THSD4: variants seen among roughly 807,000 people sequenced by gnomAD.
The protein encoded by THSD4 is thrombospondin type 1 domain containing 4.
Under a neutral mutation model 119.0 loss-of-function variants are expected in THSD4, and 69 were observed. The observed-to-expected ratio is 0.58, with a 90% CI of 0.48 to 0.71. The LOEUF is 0.71. THSD4 is among the 30% of genes least tolerant of loss of function. The pLI is 0.00. For synonymous variants in THSD4, 524 were observed against 540.4 expected (o/e 0.97, Z 0.42); for missense variants, 1,393 against 1,391.1 (o/e 1.00, Z -0.02).
intron 7 of THSD4, among the ~76,000 whole-genome samples, chr15:71,422,600 C>T (rs2046822799): frequency 6.6e-6 from 1 of 152,208 alleles, no homozygotes; most frequent in African/African-American, 2.4e-5. Context: ...ATGAGCACCC[C>T]TGTGGCCACC....
chr15:71,411,882 C>T (rs1002657960), intron 7 of THSD4, 59 bp downstream of exon 7: 21 of 1,599,794 alleles, frequency 1.3e-5, no homozygotes, highest in African/African-American at 2.7e-5. Context: ...CTGCTGACTC[C>T]ATTGTTTTCC....
chr15:71,778,471 C>A lies in THSD4; in HGVS notation c.*1097C>A, dbSNP rs559796881. The A allele has an allele frequency of 6.6e-6, 1 of 152,428 alleles. No homozygotes were observed. The highest frequency in any genetic ancestry group is 2.1e-4 in the South Asian group (1 of 4,838). 9.4% of individuals were successfully genotyped at this position (152,428 alleles called of 1,614,324 possible). A position where few individuals can be genotyped will look rare whatever the true frequency, so the allele number is the denominator to read the frequency against. Reference sequence around the variant, plus strand: ...GGTCCTTATGGCCGTGGAGCCTTCCCGACCACAGAGCCAACTTGTGAAGCA... The same window carrying A: ...GGTCCTTATGGCCGTGGAGCCTTCCAGACCACAGAGCCAACTTGTGAAGCA... On this transcript the variant is annotated 3_prime_UTR_variant, in exon 18 of 18. Coordinates refer to ENST00000261862, the MANE Select transcript of THSD4 (RefSeq NM_024817.3).
intron 6 of THSD4, among the ~76,000 whole-genome samples, chr15:71,400,033 A>G (rs1390725693): frequency 6.6e-6 from 1 of 152,180 alleles, no homozygotes; most frequent in African/African-American, 2.4e-5. Flanking sequence ...CAAAATAAAA[A>G]TTTAAAAAGA....
chr15:71,333,264 G>A (rs2045450186), intron 6 of THSD4, among the ~76,000 whole-genome samples: 1 of 152,088 alleles, frequency 6.6e-6, no homozygotes. Flanking sequence ...GGTCTTGGGA[G>A]GGGCATTCTG....
At chr15:71,587,983 T>C (rs1287631860) in intron 7 of THSD4, among the ~76,000 whole-genome samples, 1 of 151,718 alleles carries the variant, frequency 6.6e-6, no homozygotes, top group Non-Finnish European at 1.5e-5. Flanking sequence ...CCCTGTGGCA[T>C]AGTTTCATTG....
intron 8 of THSD4, among the ~76,000 whole-genome samples, chr15:71,727,611 C>T (rs1353006313): frequency 1.5e-5 from 2 of 136,934 alleles, no homozygotes; most frequent in Admixed American, 7.3e-5. Context: ...CACACACACA[C>T]ACACACACAC....
At chr15:71,250,897 A>T (rs2044252929) in intron 5 of THSD4, among the ~76,000 whole-genome samples, 1 of 152,172 alleles carries the variant, frequency 6.6e-6, no homozygotes, top group Non-Finnish European at 1.5e-5. Flanking sequence ...TCCCTAGGAG[A>T]ACATTATGAA....
rs553654500 is a variant in THSD4, at chr15:71,671,152, C to G, written c.1357+10418C>G. On this transcript the variant is annotated intron_variant, in intron 8 of 17. Coordinates refer to ENST00000261862, the MANE Select transcript of THSD4 (RefSeq NM_024817.3). Reference sequence around the variant, plus strand: ...CACATCCTCTCCAGCACCTGTAGTTCCTGACTTTTTAATGATTGCCATTCT... The same window carrying G: ...CACATCCTCTCCAGCACCTGTAGTTGCTGACTTTTTAATGATTGCCATTCT... 9.2e-5 allele frequency among the ~76,000 whole-genome samples: 14 copies of G among 152,290 alleles called. No individual in the cohort carries two copies. In the South Asian group the frequency reaches 1.9e-3, roughly 20 times the overall value.
intron 7 of THSD4, among the ~76,000 whole-genome samples, chr15:71,594,286 G>A (rs775912136): frequency 1.3e-4 from 20 of 150,994 alleles, no homozygotes; most frequent in Non-Finnish European, 2.4e-4. Flanking sequence ...TCAGTTCACT[G>A]CAACCTCCAA....
intron 6 of THSD4, among the ~76,000 whole-genome samples, chr15:71,261,754 T>C (rs1273950992): frequency 6.6e-6 from 1 of 152,216 alleles, no homozygotes; most frequent in African/African-American, 2.4e-5. Context: ...AGATGTTGAA[T>C]CAACTAATTA....
intron 14 of THSD4, among the ~76,000 whole-genome samples, chr15:71,753,519 G>A (rs2053486223): frequency 6.6e-6 from 1 of 152,222 alleles, no homozygotes; most frequent in Non-Finnish European, 1.5e-5. Flanking sequence ...TTTAACTGTT[G>A]CTGGAATGAG....
At chr15:71,278,122 A>G (rs1435580658) in intron 6 of THSD4, among the ~76,000 whole-genome samples, 1 of 152,372 alleles carries the variant, frequency 6.6e-6, no homozygotes, top group African/African-American at 2.4e-5. Context: ...ATTCAGAAAT[A>G]AAACAGGGAG....
chr15:71,749,804 C>G (rs1170186429), intron 14 of THSD4, among the ~76,000 whole-genome samples: 3 of 151,056 alleles, frequency 2.0e-5, no homozygotes, highest in Non-Finnish European at 4.4e-5. Flanking sequence ...ACTGCAGCCT[C>G]GACCTGCTGG....
At chr15:71,461,707 A>G (rs946236389) in intron 7 of THSD4, among the ~76,000 whole-genome samples, 3 of 152,174 alleles carry the variant, frequency 2.0e-5, no homozygotes, top group Admixed American at 2.0e-4. Flanking sequence ...ACAGTCCAGA[A>G]AAGTCAATAT....
chr15:71,642,101 G>A (rs2050870254), intron 7 of THSD4, among the ~76,000 whole-genome samples: 1 of 152,216 alleles, frequency 6.6e-6, no homozygotes, highest in African/African-American at 2.4e-5. Context: ...ATTCAGGGAT[G>A]AACTGGCTTC....
intron 7 of THSD4, among the ~76,000 whole-genome samples, chr15:71,523,834 G>A (rs1026822322): frequency 2.0e-5 from 3 of 152,210 alleles, no homozygotes; most frequent in African/African-American, 7.2e-5. Context: ...CAAAATATGT[G>A]CTACAGAATG....
chr15:71,630,667 A>G (rs1419987766), intron 7 of THSD4, among the ~76,000 whole-genome samples: 5 of 152,150 alleles, frequency 3.3e-5, no homozygotes, highest in Non-Finnish European at 5.9e-5. Flanking sequence ...GCTGTCCAGG[A>G]AAGAGCGAGC....
At chr15:71,584,292 A>G (rs188319395) in intron 7 of THSD4, among the ~76,000 whole-genome samples, 121 of 73,682 alleles carry the variant, frequency 1.6e-3, no homozygotes, top group African/African-American at 5.0e-3. Flanking sequence ...TTTTGAGACA[A>G]TGTCTCACTT....
At chr15:71,767,096 G>A (rs1169848368) in intron 16 of THSD4, 1 of 152,102 alleles carries the variant, frequency 6.6e-6, no homozygotes, top group Admixed American at 6.5e-5. Flanking sequence ...TGTCAAAACT[G>A]ATAGATGTGT....
Sources: gnomAD v4.1 joint callset for allele counts (sites outside exome capture counted in the v4.1 genomes callset) on GRCh38, gnomAD v4.1.1 for gene constraint, MANE v1.5 for transcripts, NCBI Gene and HGNC (gene_info 2026-07-23, HGNC 2026-07-21) for gene names.